The following PAXIP1 variants were observed in gnomAD, a reference collection of about 807,000 sequenced individuals.
PAXIP1 encodes the protein PAX-interacting protein 1.
Under a neutral mutation model 140.6 loss-of-function variants are expected in PAXIP1, and 19 were observed. That is an observed-to-expected ratio of 0.14 (90% CI 0.09 to 0.20). The LOEUF (loss-of-function observed/expected upper bound fraction) is 0.20. Among genes scored for constraint, PAXIP1 ranks in the 10% least tolerant of loss-of-function variants. The probability of loss-of-function intolerance (pLI) is 1.00; values close to 1 mark genes in which losing one functional copy is unlikely to be tolerated. For missense variants in PAXIP1, 920 were observed against 1,208.6 expected (o/e 0.76, Z 3.54); for synonymous variants, 442 against 444.6 (o/e 0.99, Z 0.07).
intron 6 of PAXIP1, among the ~76,000 whole-genome samples, chr7:154,975,156 C>CAAA (rs61595965): frequency 9.4e-6 from 1 of 106,890 alleles, no homozygotes; most frequent in East Asian, 2.8e-4. Context: ...GACTCCATCT[C>CAAA]AAAAAAAAAA....
In PAXIP1 at chr7:154,987,773, C is replaced by A. The variant is rs149492299; in HGVS notation, c.324+3233G>T. Among the ~76,000 whole-genome samples, 286 of 152,280 alleles carry A rather than the reference C, an allele frequency of 1.9e-3. 1 individual carries two copies. The highest frequency in any genetic ancestry group is 6.5e-3 in the African/African-American group (268 of 41,550). On this transcript the variant is annotated intron_variant, in intron 4 of 20. Coordinates refer to ENST00000404141, the MANE Select transcript of PAXIP1 (RefSeq NM_007349.4). ...GGCACAGGGAGGTATACAGTGAGTG[C>A]TGGCTTCTCACTCTTTGCACCACAG...
intron 3 of PAXIP1, among the ~76,000 whole-genome samples, chr7:154,992,772 A>G (rs1585084044): frequency 6.6e-6 from 1 of 152,328 alleles, no homozygotes; most frequent in East Asian, 1.9e-4. Flanking sequence ...GGCTATGTAC[A>G]AGAAAATATT....
chr7:154,948,619 T>C lies in PAXIP1; in HGVS notation c.2822-616A>G, dbSNP rs191466604. 16 of 151,620 alleles carry C rather than the reference T, an allele frequency of 1.1e-4. 1 individual carries two copies. The highest frequency in any genetic ancestry group is 1.0e-3 in the Admixed American group (16 of 15,246). 9.4% of individuals were successfully genotyped at this position (151,620 alleles called of 1,614,324 possible). On this transcript the variant is annotated intron_variant, in intron 16 of 20. Coordinates refer to ENST00000404141, the MANE Select transcript of PAXIP1 (RefSeq NM_007349.4). The stretch of plus-strand genomic sequence containing the variant: ...AGAAAAAAAAAATTACTGAAAAATA[T>C]GAACCCTCTTCCCATAGCTGCTCCT...
intron 16 of PAXIP1, chr7:154,952,133 CCTT>C (rs1808298545): frequency 6.6e-6 from 1 of 152,126 alleles, no homozygotes; most frequent in South Asian, 2.1e-4. Flanking sequence ...TTCATTAATA[CCTT>C]TTTAGAGTCA....
At chr7:154,994,663 T>C (rs1810490209) in intron 2 of PAXIP1, among the ~76,000 whole-genome samples, 2 of 152,182 alleles carry the variant, frequency 1.3e-5, no homozygotes, top group African/African-American at 2.4e-5. Flanking sequence ...TTTCAGACAA[T>C]GAAATGCCCC....
chr7:154,978,182 C>G (rs1585067952), intron 5 of PAXIP1, among the ~76,000 whole-genome samples: 1 of 152,294 alleles, frequency 6.6e-6, no homozygotes, highest in East Asian at 1.9e-4. Context: ...TTCAGATCTC[C>G]CCAGTAGTCT....
chr7:154,944,145 G>A lies in PAXIP1; in HGVS notation c.*4C>T, dbSNP rs191885641. 5.8e-5 allele frequency: 94 copies of A among 1,611,472 alleles called. No individual in the cohort carries two copies. The African/African-American group carries it at 5.9e-4, about 10-fold the overall frequency. On this transcript the variant is annotated 3_prime_UTR_variant, in exon 21 of 21. Coordinates refer to ENST00000404141, the MANE Select transcript of PAXIP1 (RefSeq NM_007349.4). ...AGTCGACATGCACGGCAGCCTAGAC[G>A]CCATCAGTTAAACTTATATGTAGGC...
At chr7:154,982,210 A>T (rs181637628) in intron 5 of PAXIP1, among the ~76,000 whole-genome samples, 89 of 152,362 alleles carry the variant, frequency 5.8e-4, no homozygotes, top group African/African-American at 2.1e-3. Flanking sequence ...TAGAAGTCAC[A>T]TGATAAATTT....
rs1489706720 is a variant in PAXIP1, at chr7:154,952,314, C to T, written c.2821+1941G>A. On this transcript the variant is annotated intron_variant, in intron 16 of 20. Transcript: ENST00000404141. ...GTGGCCATTTGTGGACGTACGTGGA[C>T]TGGAAAAGATTCAGTCACCCACATG... 16 of 152,176 alleles carry T rather than the reference C, an allele frequency of 1.1e-4. 1 individual carries two copies. Among genetic ancestry groups the T allele is most frequent in the Admixed American group, 1.0e-3 (16 of 15,282 alleles). The allele number at this position is 152,176 out of a possible 1,614,324, so 9.4% of individuals were successfully genotyped here.
rs1413950620 is a variant in PAXIP1 at position 154,973,412 on chromosome 7, C to T, written c.1074+2284G>A. Reference sequence around the variant, plus strand: ...TTTTATCAGGCATCCACCTCTCAAGCCAGAAACCCAAAGTCTTCCCTATCT... The same window carrying T: ...TTTTATCAGGCATCCACCTCTCAAGTCAGAAACCCAAAGTCTTCCCTATCT... On this transcript the variant is annotated intron_variant, in intron 6 of 20. Coordinates refer to ENST00000404141, the MANE Select transcript of PAXIP1 (RefSeq NM_007349.4). This position sits in a 1 kb window ranked among gnomAD's most constrained non-coding sequence, Gnocchi z 4.0. Among the ~76,000 whole-genome samples, 1 of 152,202 alleles carries T rather than the reference C, an allele frequency of 6.6e-6. No homozygotes were observed. The highest frequency in any genetic ancestry group is 2.4e-5 in the African/African-American group (1 of 41,446).
chr7:155,001,642 C>A (rs1810897486), intron 1 of PAXIP1: 3 of 152,094 alleles, frequency 2.0e-5, no homozygotes, highest in Admixed American at 6.6e-5. Flanking sequence ...AGACCACAGG[C>A]GCCCGCCACC....
chr7:155,003,276 T>C (rs2150795877), upstream of PAXIP1, among the ~76,000 whole-genome samples: 1 of 151,412 alleles, frequency 6.6e-6, no homozygotes, highest in Admixed American at 6.6e-5. Context: ...GCTCTGGCCC[T>C]TGCGGTTCCG....
intron 4 of PAXIP1, chr7:154,983,562 C>A: frequency 6.1e-6 from 2 of 327,786 alleles, no homozygotes; most frequent in South Asian, 1.3e-4. Context: ...TGCCTTGTCA[C>A]CAAATGAATT....
chr7:154,944,156 A>T lies in PAXIP1; in HGVS notation c.3203T>A (p.Phe1068Tyr). The change falls in exon 21 of 21, where the codon TTT (phenylalanine) becomes TAT (tyrosine). Residue 1068 changes from phenylalanine to tyrosine, a missense_variant. By Grantham distance (22) the Phe-to-Tyr change is conservative (BLOSUM62 3). Coordinates refer to ENST00000404141, the MANE Select transcript of PAXIP1 (RefSeq NM_007349.4). ...ACGGCAGCCTAGACGCCATCAGTTA[A>T]ACTTATATGTAGGCTTGTTGAGGAA... Reference protein sequence around the residue: ...TQTLDYESYKFN With the variant: ...TQTLDYESYKYN 6.2e-7 allele frequency: 1 copy of T among 1,610,212 alleles called. No homozygotes were observed. The highest frequency in any genetic ancestry group is 8.5e-7 in the Non-Finnish European group (1 of 1,177,672).
chr7:154,945,511 G>A (rs1807919107), intron 20 of PAXIP1: 8 of 985,210 alleles, frequency 8.1e-6, no homozygotes, highest in South Asian at 4.7e-5. Context: ...TGACCTCTGC[G>A]CCTTACTGAA....
chr7:154,995,625 G>A (rs544969862), intron 2 of PAXIP1, among the ~76,000 whole-genome samples: 40 of 152,278 alleles, frequency 2.6e-4, no homozygotes, highest in South Asian at 1.2e-3. Context: ...CAAGGCGGGC[G>A]GATCACTTGA....
intron 6 of PAXIP1, 112 bp downstream of exon 6, chr7:154,975,584 C>T: frequency 1.5e-6 from 1 of 673,166 alleles, no homozygotes; most frequent in South Asian, 1.9e-5. Flanking sequence ...ACAAATACTG[C>T]TTGTAAGTTA....
chr7:154,970,719 TG>T (rs1395923485), intron 6 of PAXIP1, among the ~76,000 whole-genome samples: 1 of 152,128 alleles, frequency 6.6e-6, no homozygotes, highest in Non-Finnish European at 1.5e-5. Context: ...GCCTGCCTGG[TG>T]GGCACCAGCC....
intron 7 of PAXIP1, among the ~76,000 whole-genome samples, 175 bp from the exon 8 acceptor site, chr7:154,968,085 T>C (rs1349584100): frequency 1.3e-5 from 2 of 152,206 alleles, no homozygotes; most frequent in African/African-American, 4.8e-5. Context: ...ACTATTTAAC[T>C]GTCTACATCA....
Sources: allele counts gnomAD v4.1 joint callset (sites outside exome capture counted in the v4.1 genomes callset), GRCh38; gene constraint gnomAD v4.1.1; non-coding constraint Gnocchi (gnomAD v3.1); transcripts MANE v1.5; gene names NCBI Gene and HGNC (gene_info 2026-07-23, HGNC 2026-07-21).